FOXN3: variants seen among roughly 807,000 people sequenced by gnomAD.
The protein encoded by FOXN3 is forkhead box N3.
FOXN3 carries 7 observed loss-of-function variants against 38.4 expected under a neutral mutation model. The ratio of observed to expected loss-of-function variants is 0.18; its 90% CI spans 0.10 to 0.34. The LOEUF (loss-of-function observed/expected upper bound fraction) is 0.34. Ranked by LOEUF, FOXN3 falls within the 10% of genes least tolerant of loss-of-function variation. The probability of loss-of-function intolerance (pLI) is 1.00; values close to 1 mark genes in which losing one functional copy is unlikely to be tolerated. For synonymous variants in FOXN3, 230 were observed against 242.2 expected (o/e 0.95, Z 0.47); for missense variants, 456 against 613.4 (o/e 0.74, Z 2.71).
chr14:89,246,542 C>T (rs1352153765), intron 4 of FOXN3, among the ~76,000 whole-genome samples: 4 of 84,000 alleles, frequency 4.8e-5, no homozygotes, highest in East Asian at 3.5e-4. Flanking sequence ...CAGGATGCGG[C>T]TTTTTTTTTT....
At chr14:89,511,141 TTTTCTTTCTTTC>T (rs1251992345) in intron 1 of FOXN3, among the ~76,000 whole-genome samples, 314 of 21,002 alleles carry the variant, frequency 0.015, 70 homozygotes, top group East Asian at 0.11. Context: ...TCTTTCTTTC[TTTTCTTTCTTTC>T]TTTCTTTCTT....
intron 3 of FOXN3, among the ~76,000 whole-genome samples, chr14:89,292,154 T>G (rs1306447060): frequency 1.3e-5 from 2 of 152,206 alleles, no homozygotes; most frequent in African/African-American, 4.8e-5. Context: ...ATCTTCTTAC[T>G]TGCCAAAGTA....
chr14:89,312,727 G>A (rs1887595265), intron 3 of FOXN3, among the ~76,000 whole-genome samples: 1 of 152,158 alleles, frequency 6.6e-6, no homozygotes, highest in African/African-American at 2.4e-5. Flanking sequence ...TACTTGTAGA[G>A]TAGATATATA....
At chr14:89,596,948 T>G (rs1026164350) in intron 1 of FOXN3, among the ~76,000 whole-genome samples, 3 of 152,168 alleles carry the variant, frequency 2.0e-5, no homozygotes, top group Non-Finnish European at 4.4e-5. Context: ...GCTCTGTTGA[T>G]TCTCCCCCCA....
At chr14:89,284,306 GGC>G (rs1359248307) in intron 3 of FOXN3, 4 of 358,116 alleles carry the variant, frequency 1.1e-5, no homozygotes, top group Non-Finnish European at 2.2e-5. Context: ...TACCATGCCC[GGC>G]CACCTTCCCC....
chr14:89,351,512 C>T (rs1260918903), intron 2 of FOXN3, among the ~76,000 whole-genome samples: 1 of 152,110 alleles, frequency 6.6e-6, no homozygotes, highest in African/African-American at 2.4e-5. Flanking sequence ...TTTCTAAAAC[C>T]GTTCTGTGGA....
At chr14:89,433,227 T>C (rs1238813373) in intron 1 of FOXN3, among the ~76,000 whole-genome samples, 1 of 152,158 alleles carries the variant, frequency 6.6e-6, no homozygotes, top group Admixed American at 6.5e-5. Context: ...CTCACACCTG[T>C]AATCCCAGCA....
rs1328847489 is a variant in FOXN3, at chr14:89,445,976, C to T, written c.-14-33486G>A. ...GGGTGGCGGGGGTGGAGGACATGCA[C>T]CTGTAGTCCTAGCTACTTGGAAGGC... On this transcript the variant is annotated intron_variant, in intron 1 of 6. Coordinates refer to the FOXN3 transcript ENST00000345097. Among the ~76,000 whole-genome samples the T allele has an allele frequency of 1.0e-4, 15 of 149,942 alleles. No homozygotes were observed. The Admixed American group carries it at 1.0e-3, about 10-fold the overall frequency.
At chr14:89,495,273 T>C (rs1454926125) in intron 1 of FOXN3, among the ~76,000 whole-genome samples, 1 of 152,248 alleles carries the variant, frequency 6.6e-6, no homozygotes, top group Non-Finnish European at 1.5e-5. Context: ...TGCAGCTCTG[T>C]GACCCTGAAC....
At chr14:89,193,648 C>T (rs1188850134) in intron 4 of FOXN3, among the ~76,000 whole-genome samples, 1 of 152,190 alleles carries the variant, frequency 6.6e-6, no homozygotes, top group Non-Finnish European at 1.5e-5. Context: ...GGTAGGTTGA[C>T]ACTGGATTGT....
chr14:89,178,289 G>A (rs1231406437), intron 5 of FOXN3, among the ~76,000 whole-genome samples: 3 of 152,060 alleles, frequency 2.0e-5, no homozygotes, highest in South Asian at 2.1e-4. Context: ...GATTACAGGC[G>A]TGAGCCAATG....
intron 3 of FOXN3, among the ~76,000 whole-genome samples, chr14:89,329,625 A>G (rs537189245): frequency 1.3e-5 from 2 of 152,142 alleles, no homozygotes; most frequent in Non-Finnish European, 2.9e-5. Flanking sequence ...TGGGAGGCCG[A>G]GGCGGGCGGA....
At chr14:89,531,252 A>C (rs981914504) in intron 1 of FOXN3, among the ~76,000 whole-genome samples, 2 of 152,012 alleles carry the variant, frequency 1.3e-5, no homozygotes, top group Non-Finnish European at 2.9e-5. Flanking sequence ...GCAGCGTAGA[A>C]GCCCTGTGAA....
At chr14:89,616,356 A>G (rs1295456546) in intron 1 of FOXN3, among the ~76,000 whole-genome samples, 1 of 152,226 alleles carries the variant, frequency 6.6e-6, no homozygotes, top group Non-Finnish European at 1.5e-5. Flanking sequence ...CCATCCACAA[A>G]AGAGGAAACT....
chr14:89,376,241 G>A (rs1267873278), intron 2 of FOXN3, among the ~76,000 whole-genome samples: 3 of 152,054 alleles, frequency 2.0e-5, no homozygotes, highest in African/African-American at 7.2e-5. Context: ...ATGTTCAAAG[G>A]ACAAAAGAAG....
chr14:89,525,918 C>T (rs1005509782), intron 1 of FOXN3, among the ~76,000 whole-genome samples: 1 of 151,862 alleles, frequency 6.6e-6, no homozygotes, highest in African/African-American at 2.4e-5. Context: ...AAAGATAATA[C>T]ATGGCCAAGT....
chr14:89,444,422 A>T (rs1298305842), intron 1 of FOXN3, among the ~76,000 whole-genome samples: 3 of 136,360 alleles, frequency 2.2e-5, no homozygotes, highest in Non-Finnish European at 3.4e-5. Flanking sequence ...TATTTCACAT[A>T]AAAAAAAAAA....
chr14:89,531,227 G>C (rs1894561742), intron 1 of FOXN3, among the ~76,000 whole-genome samples: 1 of 151,620 alleles, frequency 6.6e-6, no homozygotes, highest in Admixed American at 6.6e-5. Context: ...TGTAAAGAAA[G>C]GCAGAAAAGA....
chr14:89,355,841 C>T (rs1392575080), intron 2 of FOXN3, among the ~76,000 whole-genome samples: 1 of 152,006 alleles, frequency 6.6e-6, no homozygotes, highest in East Asian at 1.9e-4. Flanking sequence ...CCCTTCTCAC[C>T]ACTTGTGAGG....
Sources: gnomAD v4.1 joint callset for allele counts (sites outside exome capture counted in the v4.1 genomes callset) on GRCh38, gnomAD v4.1.1 for gene constraint, MANE v1.5 for transcripts, NCBI Gene and HGNC (gene_info 2026-07-23, HGNC 2026-07-21) for gene names.